Variants in RBFOX1 observed in about 807,000 individuals in gnomAD.
RBFOX1 encodes the protein RNA binding protein fox-1 homolog 1.
RBFOX1 carries 8 observed loss-of-function variants against 57.7 expected under a neutral mutation model. That is an observed-to-expected ratio of 0.14 (90% CI 0.08 to 0.25). The LOEUF (loss-of-function observed/expected upper bound fraction) is 0.25. RBFOX1 is among the 10% of genes least tolerant of loss of function. RBFOX1 has a pLI of 1.00. For missense variants in RBFOX1, 611 were observed against 548.5 expected, an observed-to-expected ratio of 1.11 and a Z score of -1.14; for synonymous variants, 326 against 222.4, an observed-to-expected ratio of 1.47 and a Z score of -4.15.
Position 5,507,842 on chromosome 16 carries a change from G to T in RBFOX1, c.258+40588G>T, listed in dbSNP as rs551168507. Among the ~76,000 whole-genome samples, 3 of 152,334 alleles carry T rather than the reference G, an allele frequency of 2.0e-5. No individual in the cohort carries two copies. The East Asian group carries it at 5.8e-4, about 29-fold the overall frequency. ...ACCACCAGAAGCTGGGAAGACGCAAGGAGGGTCTCTTCCTAGAGCCTTCAG... is the reference window on the plus strand; with the variant it reads ...ACCACCAGAAGCTGGGAAGACGCAATGAGGGTCTCTTCCTAGAGCCTTCAG... On this transcript the variant is annotated intron_variant, in intron 2 of 2. Coordinates refer to the RBFOX1 transcript ENST00000585867.
At chr16:6,748,265 T>TTC (rs139506841) in intron 3 of RBFOX1, among the ~76,000 whole-genome samples, 10 of 150,378 alleles carry the variant, frequency 6.6e-5, no homozygotes, top group South Asian at 6.3e-4. Context: ...TCTTTTCTCT[T>TTC]TCTCTCTCTC....
At position 5,766,271 on chromosome 16, in the gene RBFOX1, G is replaced by A. The variant is rs748806924; in HGVS notation, c.319-101032G>A. 2.0e-5 allele frequency among the ~76,000 whole-genome samples: 3 copies of A among 152,244 alleles called. No homozygotes were observed. The South Asian group carries it at 6.2e-4, about 32-fold the overall frequency. The stretch of plus-strand genomic sequence containing the variant: ...GCCACAGGAGGAGCAAGAGAGAGAG[G>A]AGGAGGTATCATGCACTTTAAAATA... On this transcript the variant is annotated intron_variant, in intron 3 of 19. Transcript: ENST00000641259.
At chr16:5,493,383 G>T (rs2042897514) in intron 2 of RBFOX1, among the ~76,000 whole-genome samples, 1 of 152,048 alleles carries the variant, frequency 6.6e-6, no homozygotes. Context: ...TAATCTTTAA[G>T]ACAAACCCTC....
At chr16:6,724,902 C>A (rs747565730) in intron 3 of RBFOX1, among the ~76,000 whole-genome samples, 16 of 152,090 alleles carry the variant, frequency 1.1e-4, no homozygotes, top group Non-Finnish European at 2.1e-4. Context: ...AGGGTAACTT[C>A]CTGACCTTGC....
At chr16:7,506,131 G>T (rs1268797403) in intron 4 of RBFOX1, among the ~76,000 whole-genome samples, 1 of 133,148 alleles carries the variant, frequency 7.5e-6, no homozygotes, top group East Asian at 2.4e-4. Context: ...TTTGCAGTGA[G>T]CAGAGATCGC....
At chr16:7,532,857 C>T (rs1437388601) in intron 5 of RBFOX1, among the ~76,000 whole-genome samples, 1 of 152,206 alleles carries the variant, frequency 6.6e-6, no homozygotes, top group Non-Finnish European at 1.5e-5. Flanking sequence ...GTTTGACCCT[C>T]AACAGAAAAA....
chr16:6,132,845 G>C (rs1478834560), intron 1 of RBFOX1, among the ~76,000 whole-genome samples: 1 of 151,662 alleles, frequency 6.6e-6, no homozygotes, highest in Non-Finnish European at 1.5e-5. Flanking sequence ...AAATTAGCTG[G>C]GCATGGTGGC....
At chr16:6,092,046 C>A (rs541490601) in intron 1 of RBFOX1, among the ~76,000 whole-genome samples, 1 of 152,296 alleles carries the variant, frequency 6.6e-6, no homozygotes, top group South Asian at 2.1e-4. Flanking sequence ...CATCCGTCCT[C>A]CTTGAAGACA....
intron 8 of RBFOX1, among the ~76,000 whole-genome samples, chr16:7,596,394 CTT>C (rs2094703833): frequency 6.6e-6 from 1 of 151,692 alleles, no homozygotes; most frequent in Non-Finnish European, 1.5e-5. Flanking sequence ...GTTACAAATG[CTT>C]TAGTCTTTGG....
At chr16:7,399,158 C>A (rs576782309) in intron 4 of RBFOX1, among the ~76,000 whole-genome samples, 1 of 152,258 alleles carries the variant, frequency 6.6e-6, no homozygotes, top group South Asian at 2.1e-4. Context: ...TTTTAAAAAG[C>A]AATGTCGGGC....
At chr16:6,972,437 A>G (rs890856306) in intron 3 of RBFOX1, among the ~76,000 whole-genome samples, 7 of 152,144 alleles carry the variant, frequency 4.6e-5, no homozygotes, top group African/African-American at 1.7e-4. Context: ...TTCAAGGCTA[A>G]GTAATATTCC....
At chr16:6,803,739 A>T (rs540876514) in intron 3 of RBFOX1, among the ~76,000 whole-genome samples, 2 of 152,060 alleles carry the variant, frequency 1.3e-5, no homozygotes, top group African/African-American at 4.8e-5. Flanking sequence ...GCTTAAGAGT[A>T]ATTCTGAGAA....
intron 4 of RBFOX1, among the ~76,000 whole-genome samples, chr16:5,881,062 G>A (rs1028737291): frequency 1.3e-5 from 2 of 152,168 alleles, no homozygotes; most frequent in Non-Finnish European, 2.9e-5. Flanking sequence ...TATTTAAAGG[G>A]AGTGCTAGAT....
chr16:7,437,920 A>AT (rs57854636), intron 4 of RBFOX1, among the ~76,000 whole-genome samples: 4 of 149,842 alleles, frequency 2.7e-5, no homozygotes, highest in Non-Finnish European at 1.5e-5. Context: ...AAAAAAAAAA[A>AT]GCACACCGCG....
chr16:7,315,177 T>A (rs1158660425), intron 4 of RBFOX1, among the ~76,000 whole-genome samples: 1 of 152,050 alleles, frequency 6.6e-6, no homozygotes, highest in Admixed American at 6.6e-5. Context: ...GATATTTCTT[T>A]CCCTATAGAA....
chr16:6,819,361 C>T (rs2090810677), intron 3 of RBFOX1, among the ~76,000 whole-genome samples: 1 of 152,144 alleles, frequency 6.6e-6, no homozygotes, highest in Non-Finnish European at 1.5e-5. Context: ...ACAGTGAACA[C>T]ACACACACAT....
chr16:7,618,831 G>T (rs1030237293), intron 10 of RBFOX1, among the ~76,000 whole-genome samples: 1 of 152,122 alleles, frequency 6.6e-6, no homozygotes, highest in Non-Finnish European at 1.5e-5. Flanking sequence ...AACTTCATCA[G>T]TGACAGTTAA....
intron 2 of RBFOX1, among the ~76,000 whole-genome samples, chr16:6,422,856 A>G (rs933525253): frequency 6.6e-5 from 10 of 152,344 alleles, no homozygotes; most frequent in South Asian, 2.1e-4. Flanking sequence ...TGGCAAGGAC[A>G]GAGATCCAAA....
intron 1 of RBFOX1, among the ~76,000 whole-genome samples, chr16:5,397,630 A>G (rs1227050928): frequency 2.0e-5 from 3 of 152,240 alleles, no homozygotes; most frequent in East Asian, 1.9e-4. Context: ...GATGAAAGGC[A>G]TGAAGAAAAG....
Sources: allele counts gnomAD v4.1 joint callset (sites outside exome capture counted in the v4.1 genomes callset), GRCh38; gene constraint gnomAD v4.1.1; transcripts MANE v1.5; gene names NCBI Gene and HGNC (gene_info 2026-07-23, HGNC 2026-07-21).